MYH14: variants seen among roughly 807,000 people sequenced by gnomAD.
MYH14 encodes the protein myosin-14.
MYH14 carries 123 observed loss-of-function variants against 255.5 expected under a neutral mutation model. The ratio of observed to expected loss-of-function variants is 0.48; its 90% confidence interval spans 0.42 to 0.56. The LOEUF (loss-of-function observed/expected upper bound fraction) is 0.56. Among genes scored for constraint, MYH14 ranks in the 20% least tolerant of loss-of-function variants. MYH14 has a pLI of 0.00. For missense variants in MYH14, 2,423 were observed against 2,802.3 expected, an observed-to-expected ratio of 0.86 and a Z score of 3.06; for synonymous variants, 1,095 against 1,161.2, an observed-to-expected ratio of 0.94 and a Z score of 1.16.
chr19:50,302,240 C>G (rs1229992806), intron 40 of MYH14, among the ~76,000 whole-genome samples: 2 of 146,826 alleles, frequency 1.4e-5, no homozygotes, highest in Admixed American at 6.9e-5. Flanking sequence ...GCTGTGATCA[C>G]AACACTGCAC....
chr19:50,287,750 T>G (rs2035939068), intron 34 of MYH14, among the ~76,000 whole-genome samples: 1 of 152,200 alleles, frequency 6.6e-6, no homozygotes, highest in Non-Finnish European at 1.5e-5. Context: ...CATGTGCATA[T>G]GTACACATAC....
Position 50,289,632 on chromosome 19 carries a change from G to C in MYH14, c.4949G>C (p.Arg1650Thr). The change falls in exon 35 of 43, where the codon AGG becomes ACG. Residue 1650 changes from arginine (R) to threonine (T), a missense_variant. By Grantham distance (71) the Arg-to-Thr change is moderately conservative. Transcript: ENST00000642316. ...GRDEAGEERR[R>T]QLAKQLRDAE... ...GATGAGGCTGGTGAAGAGAGGCGGA[G>C]GCAGCTGGCCAAGCAGGTATTGTCA... 1.2e-6 allele frequency: 2 copies of C among 1,609,232 alleles called. No homozygotes were observed. Among genetic ancestry groups the C allele is most frequent in the Non-Finnish European group, 1.7e-6 (2 of 1,178,524 alleles).
chr19:50,259,319 C>T, intron 19 of MYH14, 54 bp downstream of exon 19: 1 of 1,546,214 alleles, frequency 6.5e-7, no homozygotes, highest in Non-Finnish European at 8.7e-7. Context: ...GGACCCGGGT[C>T]TGGAAGCCGA....
intron 21 of MYH14, 105 bp downstream of exon 21, chr19:50,261,740 C>A: frequency 8.8e-7 from 1 of 1,138,602 alleles, no homozygotes; most frequent in Non-Finnish European, 1.2e-6. Flanking sequence ...GGGTGCAGGG[C>A]TGAGGAGCAG....
intron 21 of MYH14, among the ~76,000 whole-genome samples, chr19:50,262,872 C>T (rs1410897077): frequency 6.6e-6 from 1 of 152,092 alleles, no homozygotes; most frequent in Admixed American, 6.6e-5. Context: ...TGCCTGCACA[C>T]AGTAGGCATT....
chr19:50,272,596 T>G lies in MYH14; in HGVS notation c.3332T>G (p.Leu1111Arg). 6.3e-7 allele frequency: 1 copy of G among 1,581,276 alleles called. No individual in the cohort carries two copies. Among genetic ancestry groups the G allele is most frequent in the Non-Finnish European group, 8.6e-7 (1 of 1,164,690 alleles). Residue 1111 changes from leucine (L) to arginine (R), a missense_variant, in exon 27 of 43, where the codon CTG becomes CGG. Around this residue, in one of 3 missense-constraint regions of MYH14, gnomAD observed 1,513 missense variants for 1,674.8 expected, o/e 0.90. Coordinates refer to ENST00000642316, the MANE Select transcript of MYH14 (RefSeq NM_001145809.2). Reference protein sequence around the residue: ...LRKEEKGRQELEKLKRRLDGE... With the variant: ...LRKEEKGRQEREKLKRRLDGE... The stretch of plus-strand genomic sequence containing the variant: ...AAGGAGGAGAAGGGTCGCCAGGAGC[T>G]GGAGAAGCTGAAGCGGAGGCTGGAT...
chr19:50,243,061 C>T lies in MYH14; in HGVS notation c.1115-1181C>T, dbSNP rs568018662. Reference sequence around the variant, plus strand: ...ATCAGCTTCCTCCAGGTGCGAGTTACGGTGCTGTTGGCCTCGAGTTCTGTG... The same window carrying T: ...ATCAGCTTCCTCCAGGTGCGAGTTATGGTGCTGTTGGCCTCGAGTTCTGTG... On this transcript the variant is annotated intron_variant, in intron 10 of 42. Transcript: ENST00000642316. Among the ~76,000 whole-genome samples the T allele has an allele frequency of 4.8e-4, 73 of 152,172 alleles. 1 individual carries two copies. The South Asian group carries it at 0.014, about 30-fold the overall frequency.
intron 1 of MYH14, among the ~76,000 whole-genome samples, chr19:50,208,482 A>T (rs1355674987): frequency 6.6e-6 from 1 of 152,036 alleles, no homozygotes; most frequent in Non-Finnish European, 1.5e-5. Flanking sequence ...CCCACCAAAC[A>T]TACCATATTT....
At chr19:50,226,794 G>C in intron 7 of MYH14, 109 bp from the exon 8 acceptor site, 1 of 1,009,548 alleles carries the variant, frequency 9.9e-7, no homozygotes. Context: ...AGGAAGTGGG[G>C]GGGCAGCCGC....
chr19:50,205,734 TG>T (rs1274666196), intron 1 of MYH14, among the ~76,000 whole-genome samples: 5 of 151,820 alleles, frequency 3.3e-5, no homozygotes, highest in Non-Finnish European at 2.9e-5. Flanking sequence ...AGGAAAGGAC[TG>T]GGGCCAGGAC....
intron 40 of MYH14, among the ~76,000 whole-genome samples, chr19:50,302,469 G>C (rs1210428931): frequency 6.6e-6 from 1 of 151,982 alleles, no homozygotes; most frequent in Non-Finnish European, 1.5e-5. Context: ...TGTAGTCCCA[G>C]TTACTGGGGA....
At chr19:50,292,419 C>G in intron 37 of MYH14, 30 bp downstream of exon 37, 1 of 1,533,220 alleles carries the variant, frequency 6.5e-7, no homozygotes, top group Non-Finnish European at 8.8e-7. Flanking sequence ...GGCCCTGGGA[C>G]AGGAAGCTGG....
chr19:50,218,815 C>T (rs1012453171), intron 3 of MYH14, among the ~76,000 whole-genome samples: 1 of 151,752 alleles, frequency 6.6e-6, no homozygotes, highest in Non-Finnish European at 1.5e-5. Flanking sequence ...TATGTTTTTG[C>T]ATCCTCAGAA....
chr19:50,275,262 C>T (rs2035461589), intron 27 of MYH14, among the ~76,000 whole-genome samples: 1 of 152,162 alleles, frequency 6.6e-6, no homozygotes, highest in Non-Finnish European at 1.5e-5. Flanking sequence ...CCCCCAGATC[C>T]AGCTTCTCTT....
intron 15 of MYH14, among the ~76,000 whole-genome samples, chr19:50,251,555 C>T (rs1187101846): frequency 5.2e-4 from 64 of 123,006 alleles, no homozygotes; most frequent in African/African-American, 1.8e-3. Context: ...CACACACACA[C>T]ACACACACAC....
rs769989306 is a variant in MYH14 at position 50,286,635 on chromosome 19, C to A, written c.4693C>A (p.Arg1565=). The A allele has an allele frequency of 2.8e-5, 45 of 1,592,166 alleles. No individual in the cohort carries two copies. The highest frequency in any genetic ancestry group is 3.8e-5 in the Non-Finnish European group (45 of 1,169,914). The change falls in exon 34 of 43, where the codon CGG becomes AGG. Residue 1565 remains arginine (R), a synonymous_variant. Transcript: ENST00000642316. ...ACGTGAGGAGCTGGAGCGGCAGAACCGGGCCCTGCGGGCTGAGCTGGAGGC... is the reference window on the plus strand; with the variant it reads ...ACGTGAGGAGCTGGAGCGGCAGAACAGGGCCCTGCGGGCTGAGCTGGAGGC... The part of the protein sequence containing the change: ...EAREELERQN[R]ALRAELEALL...
intron 10 of MYH14, among the ~76,000 whole-genome samples, chr19:50,232,611 A>C (rs531581043): frequency 1.4e-3 from 212 of 150,952 alleles, no homozygotes; most frequent in Non-Finnish European, 2.3e-3. Flanking sequence ...AAAAAAAAAA[A>C]AAAAACAAAA....
At chr19:50,287,853 C>A (rs923455599) in intron 34 of MYH14, among the ~76,000 whole-genome samples, 14 of 152,114 alleles carry the variant, frequency 9.2e-5, no homozygotes, top group Non-Finnish European at 1.9e-4. Context: ...GAGAACCACT[C>A]CCCCGACATG....
At chr19:50,235,354 CAAA>C (rs34278236) in intron 10 of MYH14, among the ~76,000 whole-genome samples, 6 of 122,996 alleles carry the variant, frequency 4.9e-5, no homozygotes, top group Admixed American at 8.4e-5. Flanking sequence ...AGACTCCATC[CAAA>C]AAAAAAAAAA....
Sources: allele counts gnomAD v4.1 joint callset (sites outside exome capture counted in the v4.1 genomes callset), GRCh38; gene constraint gnomAD v4.1.1; regional missense constraint gnomAD v4.1.1; transcripts MANE v1.5; gene names NCBI Gene and HGNC (gene_info 2026-07-23, HGNC 2026-07-21).